RAB5A: variants seen among roughly 807,000 people sequenced by gnomAD.
The protein encoded by RAB5A is RAB5A, member RAS oncogene family, also known as ras-related protein Rab-5A.
A neutral mutation model predicts 25.7 loss-of-function variants in RAB5A; 8 were observed. The ratio of observed to expected loss-of-function variants is 0.31; its 90% CI spans 0.18 to 0.56. RAB5A has a LOEUF of 0.56. RAB5A is among the 20% of genes least tolerant of loss of function. The probability of loss-of-function intolerance (pLI) is 0.91; values close to 1 mark genes in which losing one functional copy is unlikely to be tolerated. For synonymous variants in RAB5A, 98 were observed against 89.8 expected (o/e 1.09, Z -0.52); for missense variants, 192 against 259.7 (o/e 0.74, Z 1.79).
intron 2 of RAB5A, among the ~76,000 whole-genome samples, chr3:19,963,373 C>CA (rs1559488463): frequency 8.3e-6 from 1 of 120,170 alleles, no homozygotes; most frequent in African/African-American, 3.7e-5. Flanking sequence ...CACCCCCCCC[C>CA]CCCCCGACTT....
chr3:19,978,547 T>G (rs1450310942), intron 5 of RAB5A, 144 bp downstream of exon 5: 1 of 571,634 alleles, frequency 1.7e-6, no homozygotes, highest in African/African-American at 1.9e-5. Flanking sequence ...GAGAGAGAGA[T>G]TATACCACTT....
At chr3:19,979,525 T>C (rs1266837246) in intron 5 of RAB5A, among the ~76,000 whole-genome samples, 1 of 151,836 alleles carries the variant, frequency 6.6e-6, no homozygotes, top group Non-Finnish European at 1.5e-5. Flanking sequence ...GACCTTGTGA[T>C]CCGCCCACGT....
At chr3:19,971,184 C>G (rs1260635248) in intron 2 of RAB5A, among the ~76,000 whole-genome samples, 1 of 109,102 alleles carries the variant, frequency 9.2e-6, no homozygotes, top group African/African-American at 4.0e-5. Flanking sequence ...GCAACAAGAG[C>G]TAAACTCCAT....
intron 2 of RAB5A, among the ~76,000 whole-genome samples, chr3:19,965,391 A>G (rs1443010004): frequency 6.6e-6 from 1 of 150,818 alleles, no homozygotes; most frequent in Non-Finnish European, 1.5e-5. Context: ...CACTGCCCCA[A>G]CCTGGGTGAC....
chr3:19,965,837 C>T (rs1696653793), intron 2 of RAB5A, among the ~76,000 whole-genome samples: 1 of 152,000 alleles, frequency 6.6e-6, no homozygotes, highest in South Asian at 2.1e-4. Flanking sequence ...AGCCACAAAC[C>T]TCTCCCACCA....
intron 2 of RAB5A, 70 bp downstream of exon 2, chr3:19,951,131 A>T: frequency 3.9e-6 from 6 of 1,539,442 alleles, no homozygotes; most frequent in Non-Finnish European, 5.3e-6. Context: ...TTGATGTTCC[A>T]ATTGTGTGAT....
At chr3:19,965,595 G>C (rs1251617396) in intron 2 of RAB5A, among the ~76,000 whole-genome samples, 1 of 152,128 alleles carries the variant, frequency 6.6e-6, no homozygotes, top group East Asian at 1.9e-4. Flanking sequence ...CAGTGTTGGA[G>C]AAATGCTAAT....
intron 2 of RAB5A, among the ~76,000 whole-genome samples, chr3:19,959,063 C>T (rs2125182239): frequency 6.6e-6 from 1 of 152,282 alleles, no homozygotes; most frequent in South Asian, 2.1e-4. Flanking sequence ...GATTTGGAAT[C>T]ATTATGAGCA....
rs1696417391 is a variant in RAB5A, at chr3:19,951,192, C to T, written c.163+131C>T. 6.8e-6 allele frequency: 7 copies of T among 1,031,842 alleles called. No homozygotes were observed. The South Asian group carries it at 1.0e-4, about 15-fold the overall frequency. 63.9% of individuals were successfully genotyped at this position (1,031,842 alleles called of 1,614,324 possible). ...GTGAAGAAAAGAGCTGTTCAGCTTA[C>T]CTTAGCTTTAAAACTTGCCTTTATC... On this transcript the variant is annotated intron_variant, in intron 2 of 5. Transcript: ENST00000273047.
intron 2 of RAB5A, among the ~76,000 whole-genome samples, chr3:19,960,120 CTT>C (rs1186741761): frequency 6.6e-6 from 1 of 152,020 alleles, no homozygotes; most frequent in Admixed American, 6.6e-5. Context: ...CTGTTTCTCC[CTT>C]TTTTAGGTCA....
chr3:19,976,133 G>A lies in RAB5A; in HGVS notation c.402G>A (p.Lys134=), dbSNP rs1314139914. The A allele has an allele frequency of 1.2e-6, 2 of 1,611,542 alleles. No homozygotes were observed. Among genetic ancestry groups the A allele is most frequent in the South Asian group, 1.1e-5 (1 of 90,580 alleles). The change falls in exon 4 of 6, where the codon AAG becomes AAA. Residue 134 remains lysine (K), a synonymous_variant. Transcript: ENST00000273047. The stretch of plus-strand genomic sequence containing the variant: ...TTGTAATAGCTTTATCGGGAAACAA[G>A]GCCGACCTAGCAAATAAAAGAGCAG... ...PNIVIALSGN[K]ADLANKRAVD...
chr3:19,962,267 C>T (rs1379353125), intron 2 of RAB5A, among the ~76,000 whole-genome samples: 1 of 152,024 alleles, frequency 6.6e-6, no homozygotes, highest in Non-Finnish European at 1.5e-5. Context: ...GTTGCAGCTG[C>T]CTTAGAAAAT....
At chr3:19,966,641 G>A (rs1306811653) in intron 2 of RAB5A, among the ~76,000 whole-genome samples, 2 of 152,274 alleles carry the variant, frequency 1.3e-5, no homozygotes, top group South Asian at 2.1e-4. Flanking sequence ...CTGCAAAGCA[G>A]TTCCAGTTTC....
chr3:19,968,325 C>T (rs1038955095), intron 2 of RAB5A, among the ~76,000 whole-genome samples: 6 of 152,034 alleles, frequency 3.9e-5, no homozygotes, highest in South Asian at 2.1e-4. Context: ...CATTTATTTA[C>T]TACCGAAAAT....
At chr3:19,975,152 G>A (rs954586136) in intron 2 of RAB5A, among the ~76,000 whole-genome samples, 13 of 151,880 alleles carry the variant, frequency 8.6e-5, no homozygotes, top group Admixed American at 3.9e-4. Flanking sequence ...CTTGAACCCG[G>A]GAGGCGGAGG....
chr3:19,966,002 G>C (rs573026054), intron 2 of RAB5A, among the ~76,000 whole-genome samples: 3 of 152,288 alleles, frequency 2.0e-5, no homozygotes, highest in Admixed American at 2.0e-4. Flanking sequence ...TGCTGGGACT[G>C]CAGGTGTGAA....
chr3:19,949,093 C>G (rs568268877), intron 1 of RAB5A, among the ~76,000 whole-genome samples: 1 of 152,130 alleles, frequency 6.6e-6, no homozygotes, highest in Non-Finnish European at 1.5e-5. Context: ...AAGAGTTTGC[C>G]CAGACGGAAA....
intron 2 of RAB5A, among the ~76,000 whole-genome samples, chr3:19,956,936 GT>G (rs200691529): frequency 8.6e-4 from 122 of 141,056 alleles, no homozygotes; most frequent in African/African-American, 3.0e-3. Context: ...AAAATTTTGT[GT>G]TTTTTTTCCT....
intron 2 of RAB5A, among the ~76,000 whole-genome samples, chr3:19,951,708 T>TTTTTTTTTTG (rs1553638065): frequency 2.1e-5 from 3 of 145,616 alleles, no homozygotes; most frequent in Non-Finnish European, 4.5e-5. Flanking sequence ...CAAGTTTTTT[T>TTTTTTTTTTG]TTTTTTTTTT....
Sources: gnomAD v4.1 joint callset for allele counts (sites outside exome capture counted in the v4.1 genomes callset) on GRCh38, gnomAD v4.1.1 for gene constraint, MANE v1.5 for transcripts, NCBI Gene and HGNC (gene_info 2026-07-23, HGNC 2026-07-21) for gene names.